LRRC4C: variants seen among roughly 807,000 people sequenced by gnomAD.
The protein encoded by LRRC4C is leucine-rich repeat-containing protein 4C.
LRRC4C carries 5 observed loss-of-function variants against 33.6 expected under a neutral mutation model. That is an observed-to-expected ratio of 0.15 (90% CI 0.08 to 0.31). The LOEUF (loss-of-function observed/expected upper bound fraction) is 0.31. Among genes scored for constraint, LRRC4C ranks in the 10% least tolerant of loss-of-function variants. LRRC4C has a pLI of 1.00. For synonymous variants in LRRC4C, 329 were observed against 302.0 expected (o/e 1.09, Z -0.93); for missense variants, 560 against 796.7 (o/e 0.70, Z 3.58).
At chr11:40,826,877 T>C (rs763689481) in intron 2 of LRRC4C, among the ~76,000 whole-genome samples, 1 of 151,996 alleles carries the variant, frequency 6.6e-6, no homozygotes, top group African/African-American at 2.4e-5. Context: ...TTTAAATACA[T>C]ACTTTGAAAT....
chr11:40,212,078 C>T (rs921589243), intron 5 of LRRC4C, among the ~76,000 whole-genome samples: 7 of 152,072 alleles, frequency 4.6e-5, no homozygotes, highest in South Asian at 2.1e-4. Flanking sequence ...TCATATGTCA[C>T]GTGAATATCT....
intron 1 of LRRC4C, among the ~76,000 whole-genome samples, chr11:41,361,768 T>C (rs1198149065): frequency 6.6e-6 from 1 of 152,202 alleles, no homozygotes; most frequent in Non-Finnish European, 1.5e-5. Context: ...AAAATGGTAT[T>C]GCTGTAGTGA....
intron 3 of LRRC4C, among the ~76,000 whole-genome samples, chr11:40,581,361 G>C (rs754152374): frequency 1.3e-5 from 2 of 152,270 alleles, no homozygotes; most frequent in South Asian, 4.1e-4. Context: ...TAACAATATT[G>C]GTGATTTTCA....
intron 1 of LRRC4C, among the ~76,000 whole-genome samples, chr11:41,264,574 G>A (rs1448406705): frequency 1.3e-5 from 2 of 152,050 alleles, no homozygotes; most frequent in Non-Finnish European, 2.9e-5. Context: ...ATTTATAGCA[G>A]CAAGAGAATG....
chr11:40,590,156 T>A (rs1459147153), intron 3 of LRRC4C, among the ~76,000 whole-genome samples: 1 of 151,868 alleles, frequency 6.6e-6, no homozygotes, highest in Non-Finnish European at 1.5e-5. Flanking sequence ...GTCCCATATT[T>A]CTTGGAGGCT....
At chr11:40,449,617 G>A (rs760393505) in intron 3 of LRRC4C, among the ~76,000 whole-genome samples, 3 of 152,078 alleles carry the variant, frequency 2.0e-5, no homozygotes, top group African/African-American at 7.2e-5. Flanking sequence ...TAACTTCCCA[G>A]CCAGTTGTTT....
At chr11:40,557,541 G>A (rs1325413541) in intron 3 of LRRC4C, among the ~76,000 whole-genome samples, 4 of 152,026 alleles carry the variant, frequency 2.6e-5, no homozygotes, top group Non-Finnish European at 5.9e-5. Flanking sequence ...ATTATACCAG[G>A]TTACATTGTT....
chr11:41,106,734 C>G (rs1419124216), intron 1 of LRRC4C, among the ~76,000 whole-genome samples: 2 of 151,862 alleles, frequency 1.3e-5, no homozygotes, highest in Non-Finnish European at 2.9e-5. Flanking sequence ...GAGTGAGTAC[C>G]CTTATCCAAA....
intron 1 of LRRC4C, among the ~76,000 whole-genome samples, chr11:41,409,890 C>A (rs1288712501): frequency 6.6e-6 from 1 of 152,076 alleles, no homozygotes; most frequent in Non-Finnish European, 1.5e-5. Context: ...CATATGGCTA[C>A]TTTTGTGTGT....
At chr11:40,753,115 A>G (rs1253947695) in intron 2 of LRRC4C, among the ~76,000 whole-genome samples, 2 of 151,996 alleles carry the variant, frequency 1.3e-5, no homozygotes, top group Non-Finnish European at 2.9e-5. Context: ...AGAATATTAT[A>G]TATATATCAG....
intron 1 of LRRC4C, among the ~76,000 whole-genome samples, chr11:40,938,955 C>T (rs911045481): frequency 3.3e-5 from 5 of 151,732 alleles, no homozygotes; most frequent in Admixed American, 6.6e-5. Context: ...AGGGCTGGGA[C>T]AAACAGAGAA....
At chr11:40,436,133 C>G (rs1280595588) in intron 3 of LRRC4C, among the ~76,000 whole-genome samples, 1 of 152,196 alleles carries the variant, frequency 6.6e-6, no homozygotes, top group Admixed American at 6.5e-5. Context: ...ATCACATCCA[C>G]ACTTTATGTA....
At chr11:40,528,828 A>T (rs1348730514) in intron 3 of LRRC4C, among the ~76,000 whole-genome samples, 1 of 152,190 alleles carries the variant, frequency 6.6e-6, no homozygotes, top group East Asian at 1.9e-4. Context: ...AAATCCTGCC[A>T]TTTGGAACAG....
At chr11:41,313,287 A>G (rs1180197662) in intron 1 of LRRC4C, among the ~76,000 whole-genome samples, 4 of 152,210 alleles carry the variant, frequency 2.6e-5, no homozygotes, top group African/African-American at 9.6e-5. Flanking sequence ...AATGTCTAGC[A>G]AACAATAGTG....
intron 1 of LRRC4C, among the ~76,000 whole-genome samples, chr11:41,159,993 C>T (rs1268560447): frequency 6.6e-6 from 1 of 151,644 alleles, no homozygotes; most frequent in African/African-American, 2.4e-5. Context: ...AAAATAGAGA[C>T]CAAATATGCT....
At position 41,437,419 on chromosome 11, in the gene LRRC4C, G is replaced by A. The variant is rs796717672; in HGVS notation, c.-496+22012C>T. On this transcript the variant is annotated intron_variant, in intron 1 of 6. Transcript: ENST00000528697. ...CACACGCACACACACAAACGCGCGC[G>A]CGCGCGCACACACACACACACACAC... Among the ~76,000 whole-genome samples the A allele has an allele frequency of 4.7e-3, 305 of 64,342 alleles. 1 individual carries two copies. Among genetic ancestry groups the A allele is most frequent in the Non-Finnish European group, 7.4e-3 (199 of 26,742 alleles). The allele number at this position is 64,342 out of a possible 152,430, so 42.2% of individuals were successfully genotyped here.
chr11:40,232,169 G>A (rs1865249333), intron 5 of LRRC4C, among the ~76,000 whole-genome samples: 1 of 152,092 alleles, frequency 6.6e-6, no homozygotes, highest in Admixed American at 6.6e-5. Flanking sequence ...ACCACACCTA[G>A]CTATTTTTGT....
At chr11:40,438,941 T>G (rs1476659659) in intron 3 of LRRC4C, among the ~76,000 whole-genome samples, 1 of 145,154 alleles carries the variant, frequency 6.9e-6, no homozygotes, top group African/African-American at 2.6e-5. Context: ...TTTTTTTTTT[T>G]TTTTTTTGAG....
chr11:40,629,368 G>A (rs1963256934), intron 3 of LRRC4C, among the ~76,000 whole-genome samples: 1 of 151,924 alleles, frequency 6.6e-6, no homozygotes, highest in South Asian at 2.1e-4. Flanking sequence ...TCATGCCCTT[G>A]AAAAAAATGT....
Sources: allele counts gnomAD v4.1 joint callset (sites outside exome capture counted in the v4.1 genomes callset), GRCh38; gene constraint gnomAD v4.1.1; transcripts MANE v1.5; gene names NCBI Gene and HGNC (gene_info 2026-07-23, HGNC 2026-07-21).